The following BCAT1 variants were observed in gnomAD, a reference collection of about 807,000 sequenced individuals.
BCAT1 encodes branched-chain-amino-acid aminotransferase, cytosolic.
A neutral mutation model predicts 52.4 loss-of-function variants in BCAT1; 48 were observed. The observed-to-expected ratio is 0.92, with a 90% CI of 0.73 to 1.16. The LOEUF (loss-of-function observed/expected upper bound fraction) is 1.16. BCAT1 is among the 50% of genes most tolerant of loss of function. The probability of loss-of-function intolerance (pLI) is 0.00; values close to 1 mark genes in which losing one functional copy is unlikely to be tolerated. For synonymous variants in BCAT1, 167 were observed against 161.3 expected (o/e 1.04, Z -0.27); for missense variants, 451 against 457.1 (o/e 0.99, Z 0.12).
intron 7 of BCAT1, among the ~76,000 whole-genome samples, chr12:24,837,219 A>G (rs1591793476): frequency 6.7e-6 from 1 of 149,460 alleles, no homozygotes; most frequent in African/African-American, 2.5e-5. Context: ...ACAAACAGTA[A>G]GAGTTATTGC....
At position 24,901,846 on chromosome 12, in the gene BCAT1, C is replaced by T. The variant is rs1943111975; in HGVS notation, c.46G>A (p.Gly16Arg). The change falls in exon 2 of 11, where the codon GGA becomes AGA. Residue 16 changes from glycine to arginine, a missense_variant. By Grantham distance (125) the Gly-to-Arg change is moderately radical. Coordinates refer to ENST00000261192, the MANE Select transcript of BCAT1 (RefSeq NM_005504.7). ...NGCSAECTGE[G>R]GSKEVVGTFK... ...GTCCCCACCACCTCTTTTGATCCTC[C>T]TTCTCCGGTACACTCTGCGGAGCAT... 1 of 1,613,992 alleles carries T rather than the reference C, an allele frequency of 6.2e-7. No homozygotes were observed. The highest frequency in any genetic ancestry group is 8.5e-7 in the Non-Finnish European group (1 of 1,179,888).
intron 4 of BCAT1, 45 bp downstream of exon 4, chr12:24,881,256 C>T (rs747653347): frequency 2.6e-5 from 36 of 1,378,136 alleles, no homozygotes; most frequent in South Asian, 4.9e-5. Flanking sequence ...CACCGTGACC[C>T]GTTACATTAA....
At chr12:24,906,220 A>T (rs1246906022) in intron 1 of BCAT1, among the ~76,000 whole-genome samples, 1 of 152,004 alleles carries the variant, frequency 6.6e-6, no homozygotes, top group African/African-American at 2.4e-5. Flanking sequence ...AGATGATATA[A>T]GGTGGGACAA....
At chr12:24,934,044 G>A (rs1119693) in intron 1 of BCAT1, among the ~76,000 whole-genome samples, 58,919 of 151,936 alleles carry the variant, frequency 0.39, 12,070 homozygotes, top group Middle Eastern at 0.64. Context: ...CCATCTTAAC[G>A]TGTCTGGTTC....
At chr12:24,878,996 G>A (rs919227232) in intron 4 of BCAT1, among the ~76,000 whole-genome samples, 5 of 152,134 alleles carry the variant, frequency 3.3e-5, no homozygotes, top group African/African-American at 9.7e-5. Context: ...CTATCCACAT[G>A]TGAAAGATAA....
At chr12:24,839,676 C>T (rs1351294457) in intron 7 of BCAT1, among the ~76,000 whole-genome samples, 1 of 152,218 alleles carries the variant, frequency 6.6e-6, no homozygotes, top group Non-Finnish European at 1.5e-5. Flanking sequence ...CCCCATCCAC[C>T]TTCCTGCACC....
At chr12:24,922,727 C>T (rs192587996) in intron 1 of BCAT1, among the ~76,000 whole-genome samples, 1,565 of 151,856 alleles carry the variant, frequency 0.01, 11 homozygotes, top group Non-Finnish European at 0.017. Flanking sequence ...AAAAATTAGC[C>T]GGTGTGGCAG....
At chr12:24,889,021 A>G (rs1306211679) in intron 3 of BCAT1, among the ~76,000 whole-genome samples, 1 of 152,188 alleles carries the variant, frequency 6.6e-6, no homozygotes, top group African/African-American at 2.4e-5. Flanking sequence ...CCGGTGTGCT[A>G]TGTAAACGTC....
chr12:24,935,736 G>A (rs141013345), intron 1 of BCAT1, among the ~76,000 whole-genome samples: 1 of 152,146 alleles, frequency 6.6e-6, no homozygotes, highest in Admixed American at 6.5e-5. Context: ...TACTTTACTT[G>A]GAAAGCTAAG....
At chr12:24,943,654 G>A (rs1254141655) in intron 1 of BCAT1, among the ~76,000 whole-genome samples, 1 of 152,026 alleles carries the variant, frequency 6.6e-6, no homozygotes, top group African/African-American at 2.4e-5. Flanking sequence ...ATTCTAGTAA[G>A]TTTTCTGATG....
intron 1 of BCAT1, among the ~76,000 whole-genome samples, chr12:24,935,432 T>G (rs1943738531): frequency 6.6e-6 from 1 of 152,076 alleles, no homozygotes; most frequent in Non-Finnish European, 1.5e-5. Flanking sequence ...TTCCTCTCTA[T>G]TTTCCCATAC....
At chr12:24,870,809 G>A (rs1942165181) in intron 5 of BCAT1, among the ~76,000 whole-genome samples, 1 of 152,144 alleles carries the variant, frequency 6.6e-6, no homozygotes, top group African/African-American at 2.4e-5. Flanking sequence ...GATCACCTGA[G>A]GTCAGGATTT....
At chr12:24,870,015 T>TGC (rs1555108661) in intron 5 of BCAT1, among the ~76,000 whole-genome samples, 44 of 151,862 alleles carry the variant, frequency 2.9e-4, no homozygotes, top group African/African-American at 9.9e-4. Flanking sequence ...TGTGTGTGTG[T>TGC]GTGTGTGTGT....
At chr12:24,826,127 G>T (rs1940386500) in intron 10 of BCAT1, among the ~76,000 whole-genome samples, 2 of 152,146 alleles carry the variant, frequency 1.3e-5, no homozygotes, top group Admixed American at 1.3e-4. Context: ...TGGGAGAATT[G>T]CTTGAGCCCA....
intron 5 of BCAT1, among the ~76,000 whole-genome samples, chr12:24,858,329 C>T (rs1343517154): frequency 6.6e-6 from 1 of 152,088 alleles, no homozygotes; most frequent in Non-Finnish European, 1.5e-5. Context: ...AAAATAAAAA[C>T]TTTAACACCT....
chr12:24,885,032 C>T (rs754580218), intron 3 of BCAT1, among the ~76,000 whole-genome samples: 1 of 152,158 alleles, frequency 6.6e-6, no homozygotes, highest in Non-Finnish European at 1.5e-5. Context: ...TTGGGAACAT[C>T]GCAAATTGCC....
In BCAT1 at chr12:24,866,388, G is replaced by A. The variant is rs145741561; in HGVS notation, c.510+12142C>T. On this transcript the variant is annotated intron_variant, in intron 5 of 10. Transcript: ENST00000261192. ...CCTGAGCCTCCCGCCCCCCGCCACC[G>A]CTGTGGGATCCTGTGCGGCCTGAGT... 4.0e-3 allele frequency among the ~76,000 whole-genome samples: 610 copies of A among 152,324 alleles called. 3 individuals are homozygous for A. The highest frequency in any genetic ancestry group is 0.014 in the African/African-American group (578 of 41,584).
At chr12:24,844,079 G>C (rs1941259218) in intron 6 of BCAT1, among the ~76,000 whole-genome samples, 2 of 152,134 alleles carry the variant, frequency 1.3e-5, no homozygotes, top group African/African-American at 4.8e-5. Context: ...CAAGAAACTT[G>C]GAAATAATTG....
chr12:24,844,095 G>A (rs896533525), intron 6 of BCAT1, among the ~76,000 whole-genome samples: 2 of 152,130 alleles, frequency 1.3e-5, no homozygotes, highest in African/African-American at 4.8e-5. Flanking sequence ...AATTGCTTTA[G>A]CCCCTAGCAT....
Sources: allele counts gnomAD v4.1 joint callset (sites outside exome capture counted in the v4.1 genomes callset), GRCh38; gene constraint gnomAD v4.1.1; transcripts MANE v1.5; gene names NCBI Gene and HGNC (gene_info 2026-07-23, HGNC 2026-07-21).